Variants in FSTL4 observed in about 807,000 individuals in gnomAD.
FSTL4 encodes the protein follistatin-related protein 4.
FSTL4 carries 28 observed loss-of-function variants against 78.2 expected under a neutral mutation model. The ratio of observed to expected loss-of-function variants is 0.36; its 90% CI spans 0.27 to 0.49. The LOEUF (loss-of-function observed/expected upper bound fraction) is 0.49. Ranked by LOEUF, FSTL4 falls within the 20% of genes least tolerant of loss-of-function variation. The probability of loss-of-function intolerance (pLI) is 0.98; values close to 1 mark genes in which losing one functional copy is unlikely to be tolerated. For synonymous variants in FSTL4, 422 were observed against 440.5 expected (o/e 0.96, Z 0.53); for missense variants, 922 against 1,084.9 (o/e 0.85, Z 2.11).
At chr5:133,648,501 G>A in the FSTL4 span, among the ~76,000 whole-genome samples, 13 of 152,120 alleles carry the variant, frequency 8.5e-5, no homozygotes, top group African/African-American at 2.7e-4. Context: ...TCAGCAAGAG[G>A]GGGTCACATA....
the FSTL4 span, among the ~76,000 whole-genome samples, chr5:133,662,298 A>G: frequency 1.3e-5 from 2 of 152,206 alleles, no homozygotes; most frequent in African/African-American, 4.8e-5. Context: ...CAATTTTTAC[A>G]TATTTTACTT....
chr5:133,388,222 G>T (rs1482279106), intron 4 of FSTL4, among the ~76,000 whole-genome samples: 1 of 152,180 alleles, frequency 6.6e-6, no homozygotes, highest in Non-Finnish European at 1.5e-5. Flanking sequence ...TGATTTCTCT[G>T]TAGAATGTGA....
At chr5:133,652,438 A>G in the FSTL4 span, among the ~76,000 whole-genome samples, 930 of 152,228 alleles carry the variant, frequency 6.1e-3, 10 homozygotes, top group African/African-American at 0.021. Flanking sequence ...ACAAATTTTG[A>G]TAAGTTGTGT....
chr5:133,676,925 T>C, the FSTL4 span, among the ~76,000 whole-genome samples: 1 of 152,236 alleles, frequency 6.6e-6, no homozygotes, highest in South Asian at 2.1e-4. Flanking sequence ...CCACGAGGGT[T>C]TTAATCCTGC....
At chr5:133,469,371 A>G (rs1429203885) in intron 3 of FSTL4, among the ~76,000 whole-genome samples, 1 of 152,234 alleles carries the variant, frequency 6.6e-6, no homozygotes. Context: ...CCAAGAGCTC[A>G]TAACCAGAGC....
At chr5:133,530,991 G>C (rs1289485769) in intron 3 of FSTL4, among the ~76,000 whole-genome samples, 5 of 152,218 alleles carry the variant, frequency 3.3e-5, no homozygotes, top group African/African-American at 1.2e-4. Context: ...GCCCAGACTG[G>C]ACATGGGCCA....
At chr5:133,628,552 G>A in the FSTL4 span, among the ~76,000 whole-genome samples, 1 of 151,966 alleles carries the variant, frequency 6.6e-6, no homozygotes, top group Non-Finnish European at 1.5e-5. Context: ...TAGAGACAGA[G>A]TTTCTCCATT....
chr5:133,811,486 C>A, the FSTL4 span, among the ~76,000 whole-genome samples: 1 of 152,126 alleles, frequency 6.6e-6, no homozygotes, highest in Non-Finnish European at 1.5e-5. Context: ...GACTGCTGCC[C>A]GAGGCATCCC....
At chr5:133,395,953 C>G (rs1277042149) in intron 4 of FSTL4, among the ~76,000 whole-genome samples, 2 of 152,168 alleles carry the variant, frequency 1.3e-5, no homozygotes, top group East Asian at 3.9e-4. Flanking sequence ...TGCTTTTCTA[C>G]TAACCTGCTA....
chr5:133,228,391 G>T (rs968009096), intron 8 of FSTL4, among the ~76,000 whole-genome samples: 2 of 152,154 alleles, frequency 1.3e-5, no homozygotes, highest in African/African-American at 2.4e-5. Context: ...AATCCCTAGA[G>T]CATGGAACAG....
chr5:133,217,676 T>C (rs959883481), intron 12 of FSTL4, among the ~76,000 whole-genome samples: 1 of 152,210 alleles, frequency 6.6e-6, no homozygotes, highest in Non-Finnish European at 1.5e-5. Flanking sequence ...AAACTTCTGT[T>C]CATGGCCAAA....
At chr5:133,725,573 T>C in the FSTL4 span, among the ~76,000 whole-genome samples, 1 of 152,152 alleles carries the variant, frequency 6.6e-6, no homozygotes, top group Non-Finnish European at 1.5e-5. Context: ...TTTTACCAAA[T>C]CTTCTCACCT....
intron 2 of FSTL4, chr5:133,575,139 C>T (rs1203404076): frequency 6.6e-6 from 1 of 152,048 alleles, no homozygotes; most frequent in Non-Finnish European, 1.5e-5. Context: ...GGAACAAACC[C>T]CACTTTTAAT....
At chr5:133,546,505 CAAAAAAAAAAAA>C (rs71581365) in intron 3 of FSTL4, among the ~76,000 whole-genome samples, 1 of 75,422 alleles carries the variant, frequency 1.3e-5, no homozygotes, top group African/African-American at 4.6e-5. Flanking sequence ...GACTTTGTCT[CAAAAAAAAAAAA>C]AAAAAAAAAA....
chr5:133,449,201 G>T (rs992012414), intron 3 of FSTL4, among the ~76,000 whole-genome samples: 1 of 152,144 alleles, frequency 6.6e-6, no homozygotes, highest in Non-Finnish European at 1.5e-5. Flanking sequence ...GGGTAGGGTG[G>T]CCTCGCCCTG....
chr5:133,510,714 G>A (rs937648648), intron 3 of FSTL4, among the ~76,000 whole-genome samples: 3 of 151,994 alleles, frequency 2.0e-5, no homozygotes, highest in East Asian at 1.9e-4. Context: ...TACTGAGAGC[G>A]CTCTCTTCAT....
chr5:133,270,502 G>C (rs906064551), intron 6 of FSTL4, among the ~76,000 whole-genome samples: 3 of 152,166 alleles, frequency 2.0e-5, no homozygotes, highest in Non-Finnish European at 4.4e-5. Context: ...CAGCTGAAGG[G>C]CATAGTTACA....
intron 4 of FSTL4, among the ~76,000 whole-genome samples, chr5:133,390,422 T>C (rs1285831142): frequency 6.6e-6 from 1 of 152,252 alleles, no homozygotes; most frequent in African/African-American, 2.4e-5. Context: ...ACTGTTAAGC[T>C]CTGTCTTCCC....
chr5:133,651,944 C>T, the FSTL4 span, among the ~76,000 whole-genome samples: 2 of 152,140 alleles, frequency 1.3e-5, no homozygotes, highest in East Asian at 3.9e-4. Flanking sequence ...TAGATATAGG[C>T]CCTTTCAGAT....
Sources: allele counts gnomAD v4.1 joint callset (sites outside exome capture counted in the v4.1 genomes callset), GRCh38; gene constraint gnomAD v4.1.1; transcripts MANE v1.5; gene names NCBI Gene and HGNC (gene_info 2026-07-23, HGNC 2026-07-21).